The following MDN1 variants were observed in gnomAD, a reference collection of about 807,000 sequenced individuals.
The protein encoded by MDN1 is midasin.
Under a neutral mutation model 669.2 loss-of-function variants are expected in MDN1, and 266 were observed. The observed-to-expected ratio is 0.40, with a 90% CI of 0.36 to 0.44. The LOEUF (loss-of-function observed/expected upper bound fraction) is 0.44. Among genes scored for constraint, MDN1 ranks in the 20% least tolerant of loss-of-function variants. The pLI, the probability that MDN1 is intolerant of heterozygous loss-of-function variation, is 1.00. For synonymous variants in MDN1, 2,385 were observed against 2,457.1 expected, an observed-to-expected ratio of 0.97 and a Z score of 0.87; for missense variants, 5,940 against 6,754.0, an observed-to-expected ratio of 0.88 and a Z score of 4.22.
chr6:89,779,509 T>A (rs930450226), intron 11 of MDN1, among the ~76,000 whole-genome samples: 1 of 152,130 alleles, frequency 6.6e-6, no homozygotes, highest in African/African-American at 2.4e-5. Context: ...TCAACCAACA[T>A]CAACCAGCCC....
chr6:89,743,081 C>G, intron 31 of MDN1, 69 bp downstream of exon 31: 1 of 1,578,286 alleles, frequency 6.3e-7, no homozygotes, highest in Middle Eastern at 1.7e-4. Context: ...AGAACACTGT[C>G]TCAGGGAGAA....
intron 1 of MDN1, among the ~76,000 whole-genome samples, chr6:89,804,475 A>G (rs1041377075): frequency 3.3e-5 from 5 of 152,172 alleles, no homozygotes; most frequent in Non-Finnish European, 7.3e-5. Flanking sequence ...AAAATAATCT[A>G]TGTGCTGGGG....
chr6:89,666,315 T>C (rs373512217), intron 84 of MDN1, among the ~76,000 whole-genome samples: 1 of 152,282 alleles, frequency 6.6e-6, no homozygotes, highest in South Asian at 2.1e-4. Context: ...GTCCAGGCTG[T>C]AGTGCAATGG....
chr6:89,791,018 G>A (rs377702777), intron 5 of MDN1, among the ~76,000 whole-genome samples: 7 of 152,070 alleles, frequency 4.6e-5, no homozygotes, highest in Middle Eastern at 3.4e-3. Flanking sequence ...GTGAAACTCC[G>A]CCTCAAAATA....
chr6:89,674,668 G>T, intron 78 of MDN1, 79 bp from the exon 79 acceptor site: 1 of 1,482,254 alleles, frequency 6.7e-7, no homozygotes, highest in Admixed American at 2.3e-5. Flanking sequence ...AAAGAAATTT[G>T]TGTTTCTGAA....
At chr6:89,726,600 A>G (rs2768940) in intron 37 of MDN1, among the ~76,000 whole-genome samples, 21,976 of 152,148 alleles carry the variant, frequency 0.14, 1,772 homozygotes, top group South Asian at 0.29. Context: ...AAAATCTCCA[A>G]CGGGTTTCAA....
chr6:89,714,652 G>A lies in MDN1; in HGVS notation c.6960C>T (p.Thr2320=). ...GAACTTTCAAATCCAGGTTGTCTGG[G>A]GTGCTTGCATCCCCTTCCCCTGAAA... ...IYISGEGDAS[T]PDNLDLKVLL... Residue 2320 remains threonine, a synonymous_variant, in exon 46 of 102, where the codon ACC becomes ACT. Coordinates refer to ENST00000369393, the MANE Select transcript of MDN1 (RefSeq NM_014611.3). 6.2e-7 allele frequency: 1 copy of A among 1,614,016 alleles called. No individual in the cohort carries two copies. The highest frequency in any genetic ancestry group is 8.5e-7 in the Non-Finnish European group (1 of 1,179,980).
chr6:89,749,624 T>G lies in MDN1; in HGVS notation c.3534A>C (p.Glu1178Asp). 2 of 1,614,208 alleles carry G rather than the reference T, an allele frequency of 1.2e-6. No individual in the cohort carries two copies. Among genetic ancestry groups the G allele is most frequent in the Non-Finnish European group, 1.7e-6 (2 of 1,180,036 alleles). The change falls in exon 25 of 102, where the codon GAA becomes GAC. Residue 1178 changes from glutamate (E) to aspartate (D), a missense_variant. Around this residue, in one of 5 missense-constraint regions of MDN1, gnomAD observed 2,292 missense variants for 2,638.3 expected, o/e 0.87. Transcript: ENST00000369393. Reference protein sequence around the residue: ...LDDNRELLVTETQEVVKAHPR... With the variant: ...LDDNRELLVTDTQEVVKAHPR... ...GGTGTGCTTTAACAACTTCCTGTGT[T>G]TCTGTTACTAGCAATTCACGGTTAT... is the stretch of plus-strand genomic sequence containing the variant.
intron 1 of MDN1, among the ~76,000 whole-genome samples, chr6:89,807,419 T>C (rs1768091547): frequency 6.6e-6 from 1 of 152,194 alleles, no homozygotes; most frequent in Non-Finnish European, 1.5e-5. Context: ...TGAAAGATGT[T>C]TCATTGTGTT....
chr6:89,814,675 G>T, intron 1 of MDN1: 1 of 267,946 alleles, frequency 3.7e-6, no homozygotes. Flanking sequence ...TGGCCAGACA[G>T]ATGGTTTCTC....
intron 13 of MDN1, 51 bp downstream of exon 13, chr6:89,774,570 C>T: frequency 7.3e-7 from 1 of 1,370,286 alleles, no homozygotes; most frequent in South Asian, 1.2e-5. Flanking sequence ...GACCTTCTGT[C>T]AAGTTTCTGG....
intron 15 of MDN1, among the ~76,000 whole-genome samples, chr6:89,768,856 G>C (rs1420527838): frequency 6.6e-6 from 1 of 152,120 alleles, no homozygotes; most frequent in African/African-American, 2.4e-5. Context: ...AGAAGTTCCA[G>C]ACCAGTCTGG....
rs143104857 is a variant in MDN1 at position 89,718,614 on chromosome 6, C to T, written c.6335G>A (p.Arg2112Gln). Reference sequence around the variant, plus strand: ...CTTCTCTAGCAGCCTCCTCCAAGGTCGTATAAGATCAACCTGTAATTTCCA... The same window carrying T: ...CTTCTCTAGCAGCCTCCTCCAAGGTTGTATAAGATCAACCTGTAATTTCCA... Reference protein sequence around the residue: ...LGGFEQVDLIRPWRRLLEKVE... With the variant: ...LGGFEQVDLIQPWRRLLEKVE... Residue 2112 changes from arginine (R) to glutamine (Q), a missense_variant, in exon 43 of 102, where the codon CGA (arginine) becomes CAA (glutamine). By Grantham distance (43) the Arg-to-Gln change is conservative. Around this residue, in one of 5 missense-constraint regions of MDN1, gnomAD observed 2,292 missense variants for 2,638.3 expected, o/e 0.87. Transcript: ENST00000369393. 2.2e-5 allele frequency: 35 copies of T among 1,613,628 alleles called. No homozygotes were observed. Among genetic ancestry groups the T allele is most frequent in the African/African-American group, 4.0e-5 (3 of 74,902 alleles).
chr6:89,688,254 G>C (rs1812152765), intron 66 of MDN1, 81 bp from the exon 67 acceptor site: 6 of 1,264,082 alleles, frequency 4.7e-6, no homozygotes, highest in Non-Finnish European at 1.1e-6. Flanking sequence ...GTCCTGACCA[G>C]AAGATTCCCC....
chr6:89,689,871 C>A lies in MDN1; in HGVS notation c.11022G>T (p.Met3674Ile). Residue 3674 changes from methionine (M) to isoleucine (I), a missense_variant and splice_region_variant, in exon 65 of 102, where the codon ATG becomes ATT. By Grantham distance (10) the Met-to-Ile change is conservative. Coordinates refer to ENST00000369393, the MANE Select transcript of MDN1 (RefSeq NM_014611.3). Reference protein sequence around the residue: ...ASLVTHFYPLMGVELNDRLLG... With the variant: ...ASLVTHFYPLIGVELNDRLLG... ...CATAACAAAAGTAAACTACCATACC[C>A]ATCAGGGGGTAGAAGTGTGTCACAA... is the stretch of plus-strand genomic sequence containing the variant. The A allele has an allele frequency of 6.2e-7, 1 of 1,613,694 alleles. No individual in the cohort carries two copies.
chr6:89,654,663 T>C (rs1347606096), intron 92 of MDN1, among the ~76,000 whole-genome samples: 1 of 152,146 alleles, frequency 6.6e-6, no homozygotes, highest in Non-Finnish European at 1.5e-5. Context: ...ATAGGGTGTT[T>C]AACTGGGCTA....
At chr6:89,788,847 C>T (rs1819105280) in intron 7 of MDN1, among the ~76,000 whole-genome samples, 2 of 152,124 alleles carry the variant, frequency 1.3e-5, no homozygotes, top group Admixed American at 1.3e-4. Flanking sequence ...TAAGGAAGGC[C>T]GGGCGCGGTG....
intron 5 of MDN1, among the ~76,000 whole-genome samples, chr6:89,793,016 T>G (rs1819363121): frequency 6.6e-6 from 1 of 152,040 alleles, no homozygotes; most frequent in African/African-American, 2.4e-5. Context: ...TCAGACAAAG[T>G]GACAACTGAC....
chr6:89,730,748 A>C lies in MDN1; in HGVS notation c.5118T>G (p.Ile1706Met). 1 of 1,613,042 alleles carries C rather than the reference A, an allele frequency of 6.2e-7. No individual in the cohort carries two copies. The change falls in exon 35 of 102, where the codon ATT becomes ATG. Residue 1706 changes from isoleucine to methionine, a missense_variant. Ile to Met is a conservative substitution (Grantham distance 10). This residue lies in a region of MDN1 where 2,292 missense variants were observed against 2,638.3 expected (regional missense o/e 0.87). Transcript: ENST00000369393. Reference sequence around the variant, plus strand: ...TACCCCTTGGTATAAAAAATGGATGAATTCCCCAAAGGTTATCTATTCCAG... The same window carrying C: ...TACCCCTTGGTATAAAAAATGGATGCATTCCCCAAAGGTTATCTATTCCAG... The part of the protein sequence containing the change: ...EFTGIDNLWG[I>M]HPFFIPRGPV...
Sources: allele counts gnomAD v4.1 joint callset (sites outside exome capture counted in the v4.1 genomes callset), GRCh38; gene constraint gnomAD v4.1.1; regional missense constraint gnomAD v4.1.1; transcripts MANE v1.5; gene names NCBI Gene and HGNC (gene_info 2026-07-23, HGNC 2026-07-21).